IRAK3: variants seen among roughly 807,000 people sequenced by gnomAD.
IRAK3 encodes the protein interleukin-1 receptor-associated kinase 3.
A neutral mutation model predicts 56.6 loss-of-function variants in IRAK3; 57 were observed. The ratio of observed to expected loss-of-function variants is 1.01; its 90% CI spans 0.81 to 1.26. The LOEUF (loss-of-function observed/expected upper bound fraction) is 1.26. Among genes scored for constraint, IRAK3 ranks in the 50% most tolerant of loss-of-function variants. IRAK3 has a pLI of 0.00. For synonymous variants in IRAK3, 258 were observed against 255.7 expected, an observed-to-expected ratio of 1.01 and a Z score of -0.09; for missense variants, 703 against 719.0, an observed-to-expected ratio of 0.98 and a Z score of 0.25.
intron 1 of IRAK3, among the ~76,000 whole-genome samples, chr12:66,193,120 A>G (rs746568383): frequency 6.6e-6 from 1 of 151,772 alleles, no homozygotes; most frequent in Non-Finnish European, 1.5e-5. Flanking sequence ...TGATTCTCCT[A>G]TCTCAGCCTC....
At chr12:66,214,412 C>T (rs982108979) in intron 5 of IRAK3, among the ~76,000 whole-genome samples, 2 of 151,692 alleles carry the variant, frequency 1.3e-5, no homozygotes, top group Non-Finnish European at 2.9e-5. Context: ...GTGGTGGTGC[C>T]TGCCTGTAGT....
At chr12:66,236,210 G>A (rs2052905727) in intron 8 of IRAK3, among the ~76,000 whole-genome samples, 1 of 152,066 alleles carries the variant, frequency 6.6e-6, no homozygotes, top group African/African-American at 2.4e-5. Context: ...CAGCAGGGAG[G>A]AGGGAGGATG....
intron 6 of IRAK3, among the ~76,000 whole-genome samples, chr12:66,223,325 G>A (rs2052753938): frequency 6.6e-6 from 1 of 152,146 alleles, no homozygotes; most frequent in African/African-American, 2.4e-5. Flanking sequence ...TTTCTTTTGC[G>A]GATTCCAGAT....
chr12:66,215,126 C>G (rs1378991076), intron 5 of IRAK3, among the ~76,000 whole-genome samples: 7 of 152,292 alleles, frequency 4.6e-5, no homozygotes. Context: ...AACTATTCAA[C>G]AAATAGAATG....
rs1057334082 is a variant in IRAK3, at chr12:66,248,853, A to T, written c.*682A>T. 1 of 152,212 alleles carries T rather than the reference A, an allele frequency of 6.6e-6. No individual in the cohort carries two copies. Among genetic ancestry groups the T allele is most frequent in the African/African-American group, 2.4e-5 (1 of 41,440 alleles). The allele number at this position is 152,212 out of a possible 1,614,324, so 9.4% of individuals were successfully genotyped here. On this transcript the variant is annotated 3_prime_UTR_variant, in exon 12 of 12. Transcript: ENST00000261233. ...TTAAAAACAGACTTAGTGACCTATT[A>T]TATCTTAAGGAGACTATGTGAAATG...
chr12:66,235,379 C>T (rs2052895532), intron 8 of IRAK3: 4 of 1,006,622 alleles, frequency 4.0e-6, no homozygotes, highest in Non-Finnish European at 3.6e-6. Flanking sequence ...AGGGGGCCGG[C>T]CGGGCCCCGG....
intron 11 of IRAK3, 133 bp from the exon 12 acceptor site, chr12:66,247,562 T>C (rs916445050): frequency 3.3e-5 from 22 of 676,694 alleles, no homozygotes; most frequent in Non-Finnish European, 5.6e-5. Context: ...TTAAGATCCC[T>C]TCTAATTCAA....
intron 1 of IRAK3, among the ~76,000 whole-genome samples, chr12:66,193,175 AT>A (rs954584460): frequency 6.7e-6 from 1 of 150,362 alleles, no homozygotes; most frequent in East Asian, 1.9e-4. Context: ...GCCCGGCTTA[AT>A]TTTTTTTTGT....
chr12:66,234,030 A>G (rs2136944190), intron 8 of IRAK3: 1 of 1,601,414 alleles, frequency 6.2e-7, no homozygotes, highest in Non-Finnish European at 8.5e-7. Context: ...TTCAGCCTTC[A>G]CACCCTTCTT....
At chr12:66,210,886 A>G (rs2052604766) in intron 4 of IRAK3, among the ~76,000 whole-genome samples, 1 of 152,208 alleles carries the variant, frequency 6.6e-6, no homozygotes, top group African/African-American at 2.4e-5. Flanking sequence ...GACATAGCCA[A>G]ACTTTTCCTT....
At chr12:66,230,567 A>T (rs2052834242) in intron 8 of IRAK3, among the ~76,000 whole-genome samples, 1 of 151,948 alleles carries the variant, frequency 6.6e-6, no homozygotes, top group Admixed American at 6.6e-5. Flanking sequence ...TTCTACCAAG[A>T]CAGTTCCCAG....
chr12:66,250,391 G>A lies in IRAK3; in HGVS notation c.*2220G>A, dbSNP rs868562209. 2 of 152,114 alleles carry A rather than the reference G, an allele frequency of 1.3e-5. No homozygotes were observed. The highest frequency in any genetic ancestry group is 2.9e-5 in the Non-Finnish European group (2 of 68,014). 9.4% of individuals were successfully genotyped at this position (152,114 alleles called of 1,614,324 possible). A position where few individuals can be genotyped will look rare whatever the true frequency, so the allele number is the denominator to read the frequency against. On this transcript the variant is annotated 3_prime_UTR_variant, in exon 12 of 12. Coordinates refer to ENST00000261233, the MANE Select transcript of IRAK3 (RefSeq NM_007199.3). ...AAAGAAGAAAATCATCAGGAATCAGGGTGAGATTAACAGACCAAGGTCAGA... is the reference window on the plus strand; with the variant it reads ...AAAGAAGAAAATCATCAGGAATCAGAGTGAGATTAACAGACCAAGGTCAGA...
At chr12:66,229,617 A>G (rs1407498464) in intron 8 of IRAK3, among the ~76,000 whole-genome samples, 1 of 152,178 alleles carries the variant, frequency 6.6e-6, no homozygotes, top group Admixed American at 6.5e-5. Flanking sequence ...CAGTGTGGCA[A>G]TCCAGCAACT....
chr12:66,208,833 G>A (rs2052583874), intron 2 of IRAK3, among the ~76,000 whole-genome samples: 2 of 151,990 alleles, frequency 1.3e-5, no homozygotes, highest in East Asian at 3.9e-4. Flanking sequence ...GGAGGCCGAG[G>A]CAGGCAGATC....
At chr12:66,231,947 G>T (rs929060838) in intron 8 of IRAK3, among the ~76,000 whole-genome samples, 1 of 152,150 alleles carries the variant, frequency 6.6e-6, no homozygotes, top group Non-Finnish European at 1.5e-5. Flanking sequence ...GAGTCTCTTA[G>T]GTGGTCTCAC....
chr12:66,245,202 C>T lies in IRAK3; in HGVS notation c.1254C>T (p.Leu418=). 1 of 1,614,120 alleles carries T rather than the reference C, an allele frequency of 6.2e-7. No homozygotes were observed. The highest frequency in any genetic ancestry group is 8.5e-7 in the Non-Finnish European group (1 of 1,180,018). ...PPCPRNFSAK[L]FCLAGRCAAT... ...GCCCTCGGAATTTCTCTGCCAAGCTCTTCTGTTTGGCAGGCCGGTGTGCTG... is the reference window on the plus strand; with the variant it reads ...GCCCTCGGAATTTCTCTGCCAAGCTTTTCTGTTTGGCAGGCCGGTGTGCTG... Residue 418 remains leucine, a synonymous_variant, in exon 11 of 12, where the codon CTC becomes CTT. Coordinates refer to ENST00000261233, the MANE Select transcript of IRAK3 (RefSeq NM_007199.3).
chr12:66,227,920 T>G (rs1028558775), intron 7 of IRAK3, among the ~76,000 whole-genome samples: 4 of 152,210 alleles, frequency 2.6e-5, no homozygotes, highest in African/African-American at 9.6e-5. Flanking sequence ...GCAGATTGTC[T>G]CAATTACTCA....
intron 6 of IRAK3, among the ~76,000 whole-genome samples, chr12:66,223,627 C>T (rs549195479): frequency 1.2e-3 from 174 of 150,834 alleles, no homozygotes; most frequent in African/African-American, 3.8e-3. Flanking sequence ...CCACTGCACT[C>T]CAGCCTGGGC....
intron 4 of IRAK3, 78 bp downstream of exon 4, chr12:66,210,279 C>T: frequency 3.8e-6 from 3 of 788,602 alleles, no homozygotes; most frequent in Non-Finnish European, 2.2e-6. Flanking sequence ...GGGAGAAATA[C>T]CCAATAAACA....
Sources: allele counts gnomAD v4.1 joint callset (sites outside exome capture counted in the v4.1 genomes callset), GRCh38; gene constraint gnomAD v4.1.1; transcripts MANE v1.5; gene names NCBI Gene and HGNC (gene_info 2026-07-23, HGNC 2026-07-21).